LRRC4C: variants seen among roughly 807,000 people sequenced by gnomAD.
LRRC4C encodes the protein leucine rich repeat containing 4C.
A neutral mutation model predicts 33.6 loss-of-function variants in LRRC4C; 5 were observed. The ratio of observed to expected loss-of-function variants is 0.15; its 90% confidence interval spans 0.08 to 0.31. LRRC4C has a LOEUF of 0.31. LRRC4C is among the 10% of genes least tolerant of loss of function. The pLI, the probability that LRRC4C is intolerant of heterozygous loss-of-function variation, is 1.00. For synonymous variants in LRRC4C, 329 were observed against 302.0 expected (o/e 1.09, Z -0.93); for missense variants, 560 against 796.7 (o/e 0.70, Z 3.58).
intron 2 of LRRC4C, among the ~76,000 whole-genome samples, chr11:40,685,525 G>C (rs4755561): frequency 0.032 from 4,853 of 151,832 alleles, 107 homozygotes; most frequent in Middle Eastern, 0.065. Context: ...AAAATTTAAA[G>C]TAAGATTTTT....
At chr11:40,414,876 G>A (rs548969835) in intron 3 of LRRC4C, among the ~76,000 whole-genome samples, 1 of 152,224 alleles carries the variant, frequency 6.6e-6, no homozygotes, top group African/African-American at 2.4e-5. Context: ...TGATCAAGCA[G>A]AGCAGACAGA....
intron 1 of LRRC4C, among the ~76,000 whole-genome samples, chr11:41,097,803 C>T (rs560890593): frequency 1.3e-5 from 2 of 152,124 alleles, no homozygotes; most frequent in South Asian, 2.1e-4. Context: ...GACTTATTTC[C>T]TAAATCACAC....
chr11:40,582,519 T>G (rs746789958), intron 3 of LRRC4C, among the ~76,000 whole-genome samples: 2,057 of 149,268 alleles, frequency 0.014, 25 homozygotes, highest in African/African-American at 0.037. Flanking sequence ...TTCAGTTTTT[T>G]TTTTTTTTTT....
At chr11:40,128,665 C>T (rs1048655766) in intron 6 of LRRC4C, among the ~76,000 whole-genome samples, 4 of 152,134 alleles carry the variant, frequency 2.6e-5, no homozygotes, top group Non-Finnish European at 4.4e-5. Context: ...CACTTCTCAA[C>T]TTTTTCTTAC....
intron 1 of LRRC4C, among the ~76,000 whole-genome samples, chr11:41,346,018 C>T (rs1027645762): frequency 6.6e-6 from 1 of 152,094 alleles, no homozygotes; most frequent in African/African-American, 2.4e-5. Context: ...TTCTAAGGAA[C>T]ACATGGATAG....
At chr11:41,232,276 A>G (rs184803627) in intron 1 of LRRC4C, among the ~76,000 whole-genome samples, 138 of 152,166 alleles carry the variant, frequency 9.1e-4, no homozygotes, top group Non-Finnish European at 1.5e-3. Flanking sequence ...ATGTTTTAAG[A>G]TGGGGTTTCT....
chr11:41,075,746 T>C (rs981704039), intron 1 of LRRC4C, among the ~76,000 whole-genome samples: 2 of 152,190 alleles, frequency 1.3e-5, no homozygotes, highest in African/African-American at 4.8e-5. Flanking sequence ...CTGCCCTTAA[T>C]TCCCTTAAAT....
intron 5 of LRRC4C, among the ~76,000 whole-genome samples, chr11:40,183,995 A>G (rs1337684268): frequency 6.6e-6 from 1 of 152,272 alleles, no homozygotes; most frequent in African/African-American, 2.4e-5. Flanking sequence ...AGTTAAGAAT[A>G]GAACTGAAAC....
intron 1 of LRRC4C, among the ~76,000 whole-genome samples, chr11:41,201,404 AC>A (rs1740950169): frequency 6.6e-6 from 1 of 152,182 alleles, no homozygotes; most frequent in Non-Finnish European, 1.5e-5. Flanking sequence ...TGATAGAAAT[AC>A]CCATTCTACA....
At chr11:41,033,003 C>A (rs936233290) in intron 1 of LRRC4C, among the ~76,000 whole-genome samples, 3 of 151,922 alleles carry the variant, frequency 2.0e-5, no homozygotes, top group Non-Finnish European at 4.4e-5. Flanking sequence ...TTAGCTGATA[C>A]CATGAAACAT....
chr11:40,211,424 A>G (rs1863599455), intron 5 of LRRC4C, among the ~76,000 whole-genome samples: 1 of 152,242 alleles, frequency 6.6e-6, no homozygotes, highest in African/African-American at 2.4e-5. Flanking sequence ...ACTAAAACAA[A>G]CAAAATCATT....
intron 1 of LRRC4C, among the ~76,000 whole-genome samples, chr11:41,231,509 C>T (rs946349172): frequency 6.7e-6 from 1 of 149,532 alleles, no homozygotes; most frequent in South Asian, 2.1e-4. Flanking sequence ...AGCAAACTAT[C>T]GCAAGGACAA....
chr11:40,737,773 A>G (rs1277163886), intron 2 of LRRC4C, among the ~76,000 whole-genome samples: 1 of 152,198 alleles, frequency 6.6e-6, no homozygotes, highest in Non-Finnish European at 1.5e-5. Context: ...AAGAATCAAT[A>G]CTGTGAAAAT....
intron 3 of LRRC4C, among the ~76,000 whole-genome samples, chr11:40,588,692 G>T (rs1249262888): frequency 1.3e-5 from 2 of 152,126 alleles, no homozygotes; most frequent in East Asian, 1.9e-4. Flanking sequence ...GTTCTCGTTG[G>T]TTTCAAAGAA....
chr11:40,589,545 G>A (rs576878281), intron 3 of LRRC4C, among the ~76,000 whole-genome samples: 19,573 of 149,372 alleles, frequency 0.13, 1,317 homozygotes, highest in Middle Eastern at 0.2. Context: ...TATTTTGCTC[G>A]TTAGTTGATG....
intron 3 of LRRC4C, among the ~76,000 whole-genome samples, chr11:40,508,262 G>C (rs140497030): frequency 6.6e-6 from 1 of 151,942 alleles, no homozygotes; most frequent in Non-Finnish European, 1.5e-5. Context: ...CCAAAGAAGG[G>C]GGAATTATTT....
intron 2 of LRRC4C, among the ~76,000 whole-genome samples, chr11:40,817,496 A>C (rs964993350): frequency 1.1e-4 from 16 of 152,178 alleles, no homozygotes; most frequent in African/African-American, 3.6e-4. Context: ...TCTTAGTAGA[A>C]CTTAGTAGTT....
Position 40,442,162 on chromosome 11 carries a change from CAAAAAAAAA to C in LRRC4C, c.-269-122450_-269-122442del, listed in dbSNP as rs1158464665. 5.2e-3 allele frequency among the ~76,000 whole-genome samples: 294 copies of C among 56,202 alleles called. 3 individuals are homozygous for C. Among genetic ancestry groups the C allele is most frequent in the African/African-American group, 0.018 (267 of 14,542 alleles). 36.9% of individuals were successfully genotyped at this position (56,202 alleles called of 152,430 possible). On this transcript the variant is annotated intron_variant, in intron 3 of 6. Coordinates refer to ENST00000528697, the MANE Select transcript of LRRC4C (RefSeq NM_001258419.2). ...TGGGTGACAGAGCCAGACTCCATTT[CAAAAAAAAA>C]AAAAAAAAAAAAAAAAAGATCAACT...
At chr11:40,411,405 A>T (rs1363175261) in intron 3 of LRRC4C, among the ~76,000 whole-genome samples, 1 of 152,054 alleles carries the variant, frequency 6.6e-6, no homozygotes, top group Admixed American at 6.6e-5. Context: ...AGTGAATGTT[A>T]TTTGAAAAAC....
Sources: gnomAD v4.1 joint callset for allele counts (sites outside exome capture counted in the v4.1 genomes callset) on GRCh38, gnomAD v4.1.1 for gene constraint, MANE v1.5 for transcripts, NCBI Gene and HGNC (gene_info 2026-07-23, HGNC 2026-07-21) for gene names.